The following DENND1B variants were observed in gnomAD, a reference collection of about 807,000 sequenced individuals.
DENND1B encodes the protein DENN domain containing 1B, also known as DENN domain-containing protein 1B.
A neutral mutation model predicts 90.1 loss-of-function variants in DENND1B; 59 were observed. That is an observed-to-expected ratio of 0.65 (90% CI 0.53 to 0.81). The LOEUF is 0.81. Among genes scored for constraint, DENND1B ranks in the 40% least tolerant of loss-of-function variants. DENND1B has a pLI of 0.00. For synonymous variants in DENND1B, 337 were observed against 324.6 expected, an observed-to-expected ratio of 1.04 and a Z score of -0.41; for missense variants, 862 against 912.6, an observed-to-expected ratio of 0.94 and a Z score of 0.71.
At chr1:197,713,852 T>TA (rs1186096088) in intron 3 of DENND1B, among the ~76,000 whole-genome samples, 14 of 6,760 alleles carry the variant, frequency 2.1e-3, no homozygotes, top group African/African-American at 0.011. Context: ...TATTATATTA[T>TA]TATAATATAT....
Position 197,658,281 on chromosome 1 carries a change from T to A in DENND1B, c.366+19A>T, listed in dbSNP as rs1558367000. On this transcript the variant is annotated intron_variant, in intron 6 of 22. Coordinates refer to ENST00000620048, the MANE Select transcript of DENND1B (RefSeq NM_001195215.2). The stretch of plus-strand genomic sequence containing the variant: ...TAAGTATTTTACCACAATTTAAAAA[T>A]GGGGAAAAAATAGCTTACCAGTTCC... 1.9e-6 allele frequency: 3 copies of A among 1,585,118 alleles called. No individual in the cohort carries two copies. The highest frequency in any genetic ancestry group is 2.6e-6 in the Non-Finnish European group (3 of 1,157,026).
chr1:197,730,309 G>A (rs1662036032), intron 2 of DENND1B, among the ~76,000 whole-genome samples: 1 of 151,952 alleles, frequency 6.6e-6, no homozygotes, highest in South Asian at 2.1e-4. Context: ...GCCTACAAAA[G>A]ACAGACTATA....
intron 8 of DENND1B, 126 bp downstream of exon 8, chr1:197,646,929 A>G (rs1290815325): frequency 1.5e-6 from 1 of 646,726 alleles, no homozygotes; most frequent in African/African-American, 2.0e-5. Context: ...CAAATGATTA[A>G]TTTTCTTAAG....
chr1:197,772,895 C>G lies in DENND1B; in HGVS notation c.55G>C (p.Val19Leu). The change falls in exon 2 of 23, where the codon GTG (valine) becomes CTG (leucine). Residue 19 changes from valine (V) to leucine (L), a missense_variant. Transcript: ENST00000620048. ...TCATTTTCAGAGGCATGACATTTCA[C>G]TTTCAACACCAAGTCAAAGGTTCTG... Reference protein sequence around the residue: ...PDRTFDLVLKVKCHASENEDP... With the variant: ...PDRTFDLVLKLKCHASENEDP... The G allele has an allele frequency of 6.4e-7, 1 of 1,551,878 alleles. No individual in the cohort carries two copies.
At chr1:197,551,546 C>T (rs956472889) in intron 16 of DENND1B, among the ~76,000 whole-genome samples, 2 of 152,010 alleles carry the variant, frequency 1.3e-5, no homozygotes, top group African/African-American at 2.4e-5. Flanking sequence ...TTAGTGGGCC[C>T]TCCCACCAGA....
intron 10 of DENND1B, among the ~76,000 whole-genome samples, chr1:197,633,691 T>G (rs953670589): frequency 2.0e-5 from 3 of 152,250 alleles, no homozygotes; most frequent in Admixed American, 2.0e-4. Context: ...CCCTACCTTA[T>G]AGCAGAGTAC....
intron 18 of DENND1B, chr1:197,545,622 T>A (rs1382679477): frequency 7.6e-6 from 2 of 264,610 alleles, no homozygotes; most frequent in African/African-American, 4.5e-5. Flanking sequence ...TGTTGTTAAA[T>A]GAAATAATGA....
chr1:197,575,582 G>A (rs1219102533), intron 15 of DENND1B, among the ~76,000 whole-genome samples: 1 of 152,116 alleles, frequency 6.6e-6, no homozygotes, highest in Non-Finnish European at 1.5e-5. Context: ...CCATTACTGG[G>A]TATTTACCCA....
chr1:197,554,829 T>C (rs1215437941), intron 15 of DENND1B, among the ~76,000 whole-genome samples: 6 of 9,862 alleles, frequency 6.1e-4, no homozygotes, highest in African/African-American at 1.9e-3. Context: ...CAAGACTCCA[T>C]CTCAAAAAAA....
chr1:197,747,465 A>C, intron 2 of DENND1B: 1 of 307,404 alleles, frequency 3.3e-6, no homozygotes, highest in Non-Finnish European at 6.3e-6. Flanking sequence ...TTCGTCTGTC[A>C]GGAAGCGGTC....
chr1:197,769,474 T>G (rs1353211661), intron 2 of DENND1B, among the ~76,000 whole-genome samples: 1 of 152,172 alleles, frequency 6.6e-6, no homozygotes, highest in Non-Finnish European at 1.5e-5. Flanking sequence ...GAGTTCCAAC[T>G]TCCACTGACA....
At chr1:197,615,398 A>G (rs1206442493) in intron 11 of DENND1B, among the ~76,000 whole-genome samples, 8 of 151,014 alleles carry the variant, frequency 5.3e-5, no homozygotes, top group Non-Finnish European at 1.2e-4. Context: ...CACCAGAGCT[A>G]CCAGTTGCAA....
intron 4 of DENND1B, among the ~76,000 whole-genome samples, chr1:197,673,070 G>A (rs1215574433): frequency 6.6e-6 from 1 of 151,844 alleles, no homozygotes; most frequent in Non-Finnish European, 1.5e-5. Context: ...AAACAGTTTT[G>A]TCAGGAAATG....
At chr1:197,776,372 C>T (rs1001565159), upstream of DENND1B, among the ~76,000 whole-genome samples, 1 of 152,176 alleles carries the variant, frequency 6.6e-6, no homozygotes, top group Non-Finnish European at 1.5e-5. Flanking sequence ...CTGTCTCCCT[C>T]CTCTGCTGTC....
intron 5 of DENND1B, among the ~76,000 whole-genome samples, chr1:197,659,525 T>C (rs1313653578): frequency 6.6e-6 from 1 of 151,934 alleles, no homozygotes; most frequent in Admixed American, 6.6e-5. Flanking sequence ...ATCTAACATA[T>C]TGACTGTATG....
chr1:197,763,279 T>C (rs1312363416), intron 2 of DENND1B, among the ~76,000 whole-genome samples: 1 of 152,212 alleles, frequency 6.6e-6, no homozygotes, highest in East Asian at 1.9e-4. Context: ...CTTCTTTTTA[T>C]ATATATTTTT....
rs1319065182 is a variant in DENND1B, at chr1:197,540,155, A to G, written c.1408-84T>C. The stretch of plus-strand genomic sequence containing the variant: ...ATTAGATTAATAAACAAAGTATCTG[A>G]TATACATACAAGTAGCAAAATAACA... On this transcript the variant is annotated intron_variant, in intron 19 of 22. Transcript: ENST00000620048. 6 of 864,376 alleles carry G rather than the reference A, an allele frequency of 6.9e-6. No homozygotes were observed. The East Asian group carries it at 1.4e-4, about 20-fold the overall frequency. 53.5% of individuals were successfully genotyped at this position (864,376 alleles called of 1,614,324 possible).
At chr1:197,513,014 A>G in intron 20 of DENND1B, 61 bp from the exon 21 acceptor site, 1 of 1,389,168 alleles carries the variant, frequency 7.2e-7, no homozygotes, top group Non-Finnish European at 9.9e-7. Flanking sequence ...TCTTTAGCAA[A>G]TTTTAAAGCA....
intron 6 of DENND1B, among the ~76,000 whole-genome samples, chr1:197,653,727 G>T (rs1653496971): frequency 6.6e-6 from 1 of 151,552 alleles, no homozygotes; most frequent in Non-Finnish European, 1.5e-5. Context: ...CAGTATTACT[G>T]ATGGTTTCAG....
Sources: gnomAD v4.1 joint callset for allele counts (sites outside exome capture counted in the v4.1 genomes callset) on GRCh38, gnomAD v4.1.1 for gene constraint, MANE v1.5 for transcripts, NCBI Gene and HGNC (gene_info 2026-07-23, HGNC 2026-07-21) for gene names.